Variants in PSMD13 observed in about 807,000 individuals in gnomAD.
The protein encoded by PSMD13 is proteasome 26S subunit, non-ATPase 13.
PSMD13 carries 8 observed loss-of-function variants against 57.4 expected under a neutral mutation model. That is an observed-to-expected ratio of 0.14 (90% confidence interval 0.08 to 0.25). The LOEUF (loss-of-function observed/expected upper bound fraction) is 0.25. Ranked by LOEUF, PSMD13 falls within the 10% of genes least tolerant of loss-of-function variation. The pLI is 1.00. For synonymous variants in PSMD13, 193 were observed against 168.2 expected, an observed-to-expected ratio of 1.15 and a Z score of -1.14; for missense variants, 400 against 461.5, an observed-to-expected ratio of 0.87 and a Z score of 1.22.
At chr11:250,353 G>C (rs775825950) in intron 9 of PSMD13, among the ~76,000 whole-genome samples, 8 of 152,198 alleles carry the variant, frequency 5.3e-5, no homozygotes, top group Non-Finnish European at 1.2e-4. Flanking sequence ...TTTTGATTCA[G>C]AACAAGTCTC....
Position 236,986 on chromosome 11 carries a change from G to T in PSMD13, c.-64G>T. 7.1e-7 allele frequency: 1 copy of T among 1,401,200 alleles called. No individual in the cohort carries two copies. The highest frequency in any genetic ancestry group is 1.2e-5 in the South Asian group (1 of 84,634). The allele number at this position is 1,401,200 out of a possible 1,614,324, so 86.8% of individuals were successfully genotyped here. A position where few individuals can be genotyped will look rare whatever the true frequency, so the allele number is the denominator to read the frequency against. ...GCGCCGGAAGTGAGTGAGCATTTCC[G>T]GCAGCCATCCCCGCGGTGCTGACAT... On this transcript the variant is annotated 5_prime_UTR_variant, in exon 1 of 13. Coordinates refer to ENST00000532097, the MANE Select transcript of PSMD13 (RefSeq NM_002817.4).
rs200598221 is a variant in PSMD13 at position 247,389 on chromosome 11, C to T, written c.509C>T (p.Ala170Val). 463 of 1,614,150 alleles carry T rather than the reference C, an allele frequency of 2.9e-4. 2 individuals are homozygous for T. The highest frequency in any genetic ancestry group is 1.2e-3 in the Admixed American group (73 of 60,022). Residue 170 changes from alanine to valine, a missense_variant, in exon 7 of 13, where the codon GCG becomes GTG. Coordinates refer to ENST00000532097, the MANE Select transcript of PSMD13 (RefSeq NM_002817.4). Reference protein sequence around the residue: ...SKYYQTIGNHASYYKDALRFL... With the variant: ...SKYYQTIGNHVSYYKDALRFL... ...TACTATCAAACAATCGGAAACCACGCGTCCTACTACAAAGATGCTCTGCGG... is the reference window on the plus strand; with the variant it reads ...TACTATCAAACAATCGGAAACCACGTGTCCTACTACAAAGATGCTCTGCGG...
intron 9 of PSMD13, 31 bp downstream of exon 9, chr11:249,088 C>G: frequency 6.2e-7 from 1 of 1,606,402 alleles, no homozygotes; most frequent in Non-Finnish European, 8.5e-7. Flanking sequence ...AGCCCTTATT[C>G]CCCCATGTAT....
At chr11:243,500 A>G in intron 2 of PSMD13, 1 of 313,964 alleles carries the variant, frequency 3.2e-6, no homozygotes, top group Admixed American at 4.1e-5. Flanking sequence ...TAGATCTTGA[A>G]TCTCTGGCTG....
chr11:245,234 C>T (rs575641523), intron 6 of PSMD13, among the ~76,000 whole-genome samples: 23 of 152,186 alleles, frequency 1.5e-4, no homozygotes, highest in Non-Finnish European at 2.8e-4. Flanking sequence ...TGAGCCGCTG[C>T]GCCCAGCCCC....
intron 10 of PSMD13, 124 bp downstream of exon 10, chr11:250,989 C>A: frequency 2.4e-6 from 2 of 846,070 alleles, no homozygotes; most frequent in Non-Finnish European, 3.9e-6. Context: ...TGCTGTGCGC[C>A]GCTCTCTTCA....
At chr11:245,136 T>C (rs1468140628) in intron 6 of PSMD13, among the ~76,000 whole-genome samples, 2 of 152,108 alleles carry the variant, frequency 1.3e-5, no homozygotes. Flanking sequence ...AGAGACAGGG[T>C]TTCGCCATGT....
intron 7 of PSMD13, chr11:247,880 GA>G (rs111769542): frequency 0.022 from 3,340 of 153,550 alleles, 121 homozygotes; most frequent in African/African-American, 0.076. Flanking sequence ...CTGTTTTGAA[GA>G]AAAAAATGGG....
chr11:251,160 C>T lies in PSMD13; in HGVS notation c.837+295C>T. 4.3e-6 allele frequency: 2 copies of T among 469,708 alleles called. No homozygotes were observed. The highest frequency in any genetic ancestry group is 5.2e-5 in the South Asian group (2 of 38,666). 29.1% of individuals were successfully genotyped at this position (469,708 alleles called of 1,614,324 possible). ...CCCTCTCCCCGTGATGCAGTTGTTG[C>T]CTCATTGCATGTCGCTTCTTGTGTA... On this transcript the variant is annotated intron_variant, in intron 10 of 12. Transcript: ENST00000532097. The surrounding 1 kb of genome is among the most constrained non-coding windows in gnomAD (Gnocchi z 4.6).
At chr11:242,740 G>T (rs1859542968) in intron 2 of PSMD13, among the ~76,000 whole-genome samples, 1 of 151,952 alleles carries the variant, frequency 6.6e-6, no homozygotes, top group African/African-American at 2.4e-5. Context: ...CCTCCATTCA[G>T]GTCTCTTACA....
intron 2 of PSMD13, 78 bp from the exon 3 acceptor site, chr11:243,963 C>T: frequency 7.0e-7 from 1 of 1,432,304 alleles, no homozygotes; most frequent in African/African-American, 1.4e-5. Flanking sequence ...AGCTTCTTTA[C>T]CAAAGATAGT....
intron 1 of PSMD13, among the ~76,000 whole-genome samples, chr11:237,934 C>G (rs1382620957): frequency 1.3e-5 from 2 of 152,174 alleles, no homozygotes; most frequent in African/African-American, 4.8e-5. Context: ...AATATAATAC[C>G]TTTCACATAG....
intron 6 of PSMD13, among the ~76,000 whole-genome samples, chr11:246,678 T>A (rs524555): frequency 0.15 from 23,433 of 152,168 alleles, 2,243 homozygotes; most frequent in East Asian, 0.43. Context: ...CTCAGCACCA[T>A]ATGAGTACTC....
Position 244,565 on chromosome 11 carries a change from C to G in PSMD13, c.309+96C>G, listed in dbSNP as rs1282663256. 46 of 1,512,094 alleles carry G rather than the reference C, an allele frequency of 3.0e-5. 1 individual carries two copies. Among genetic ancestry groups the G allele is most frequent in the Non-Finnish European group, 3.7e-5 (40 of 1,091,852 alleles). 93.7% of individuals were successfully genotyped at this position (1,512,094 alleles called of 1,614,324 possible). A position where few individuals can be genotyped will look rare whatever the true frequency, so the allele number is the denominator to read the frequency against. On this transcript the variant is annotated intron_variant, in intron 5 of 12. Transcript: ENST00000532097. The stretch of plus-strand genomic sequence containing the variant: ...TGCTCACTGTCCAGACCTTTAGAGA[C>G]CACAAGGCCTCTAGTCATCAAGGTT...
In PSMD13 at chr11:252,551, A is replaced by G. The variant is rs1859786885; in HGVS notation, c.1082A>G (p.Lys361Arg). ...CTGGAGTTCTGGTGCACGGATGTGA[A>G]GAGCATGGAGATGCTGGTGGAGCAC... is the stretch of plus-strand genomic sequence containing the variant. ...DRLEFWCTDV[K>R]SMEMLVEHQA... The change falls in exon 13 of 13, where the codon AAG becomes AGG. Residue 361 changes from lysine to arginine, a missense_variant. Coordinates refer to ENST00000532097, the MANE Select transcript of PSMD13 (RefSeq NM_002817.4). The surrounding 1 kb of genome is among the most constrained non-coding windows in gnomAD (Gnocchi z 4.1). The G allele has an allele frequency of 1.2e-6, 2 of 1,614,120 alleles. No individual in the cohort carries two copies. Among genetic ancestry groups the G allele is most frequent in the East Asian group, 2.2e-5 (1 of 44,884 alleles).
rs1859775441 is a variant in PSMD13, at chr11:252,122, C to T, written c.1035+186C>T. On this transcript the variant is annotated intron_variant, in intron 12 of 12. Transcript: ENST00000532097. This position sits in a 1 kb window ranked among gnomAD's most constrained non-coding sequence, Gnocchi z 4.1. ...ATTTAATGCAAGCCTAGGGTTTGAA[C>T]CCTGCATTTAAAAGCTTATGATGAC... 1 of 588,354 alleles carries T rather than the reference C, an allele frequency of 1.7e-6. No homozygotes were observed. Among genetic ancestry groups the T allele is most frequent in the Non-Finnish European group, 3.0e-6 (1 of 332,622 alleles). The allele number at this position is 588,354 out of a possible 1,614,324, so 36.4% of individuals were successfully genotyped here. A position where few individuals can be genotyped will look rare whatever the true frequency, so the allele number is the denominator to read the frequency against.
chr11:243,162 G>GTT, intron 2 of PSMD13: 1 of 619,166 alleles, frequency 1.6e-6, no homozygotes, highest in South Asian at 1.4e-5. Flanking sequence ...ACCACCTCCT[G>GTT]TTTTTTTGTG....
In PSMD13 at chr11:239,306, A is replaced by G. The variant is rs72865312; in HGVS notation, c.174+230A>G. 4.6e-3 allele frequency among the ~76,000 whole-genome samples: 704 copies of G among 152,338 alleles called. 3 individuals are homozygous for G. Among genetic ancestry groups the G allele is most frequent in the Non-Finnish European group, 5.8e-3 (397 of 68,026 alleles). On this transcript the variant is annotated intron_variant, in intron 2 of 12. Transcript: ENST00000532097. ...AACATAAGACTTTAAGTAACTTACC[A>G]TAGATCACTGCTGATAAGTGGCAGA...
At chr11:242,411 A>C (rs995488202) in intron 2 of PSMD13, among the ~76,000 whole-genome samples, 10 of 151,786 alleles carry the variant, frequency 6.6e-5, no homozygotes, top group Non-Finnish European at 1.3e-4. Context: ...TTATTTCATT[A>C]ACTTAATAGG....
Sources: allele counts gnomAD v4.1 joint callset (sites outside exome capture counted in the v4.1 genomes callset), GRCh38; gene constraint gnomAD v4.1.1; non-coding constraint Gnocchi (gnomAD v3.1); transcripts MANE v1.5; gene names NCBI Gene and HGNC (gene_info 2026-07-23, HGNC 2026-07-21).